The following GSE1 variants were observed in gnomAD, a reference collection of about 807,000 sequenced individuals.
GSE1 encodes Gse1 coiled-coil protein, also known as genetic suppressor element 1.
Under a neutral mutation model 112.6 loss-of-function variants are expected in GSE1, and 32 were observed. That is an observed-to-expected ratio of 0.28 (90% confidence interval 0.21 to 0.38). The LOEUF (loss-of-function observed/expected upper bound fraction) is 0.38, where lower values mean the gene tolerates loss of function less well. Among genes scored for constraint, GSE1 ranks in the 10% least tolerant of loss-of-function variants. The pLI is 1.00. For synonymous variants in GSE1, 1,115 were observed against 735.6 expected (o/e 1.52, Z -8.35); for missense variants, 2,348 against 1,699.2 (o/e 1.38, Z -6.71).
At chr16:85,432,838 C>G (rs2049152976) in intron 2 of GSE1, among the ~76,000 whole-genome samples, 1 of 152,050 alleles carries the variant, frequency 6.6e-6, no homozygotes, top group African/African-American at 2.4e-5. Context: ...GGGATTTGAA[C>G]CTCGGTCTGT....
At chr16:85,641,624 G>T (rs1352382733) in intron 2 of GSE1, among the ~76,000 whole-genome samples, 2 of 152,254 alleles carry the variant, frequency 1.3e-5, no homozygotes, top group Non-Finnish European at 2.9e-5. Context: ...CAGGGCTGCG[G>T]TGACTCCAGA....
intron 1 of GSE1, among the ~76,000 whole-genome samples, chr16:85,597,409 G>GTT (rs1220002478): frequency 6.9e-6 from 1 of 143,944 alleles, no homozygotes; most frequent in Non-Finnish European, 1.5e-5. Context: ...GAAGAAGAAA[G>GTT]TTCTGTCAGA....
intron 2 of GSE1, among the ~76,000 whole-genome samples, chr16:85,634,989 G>A (rs755376420): frequency 2.6e-5 from 4 of 152,118 alleles, no homozygotes; most frequent in South Asian, 2.1e-4. Flanking sequence ...AGTGGCATCC[G>A]CTTCATTCAC....
At chr16:85,505,560 G>A (rs547658915) in intron 2 of GSE1, among the ~76,000 whole-genome samples, 2 of 152,372 alleles carry the variant, frequency 1.3e-5, no homozygotes, top group African/African-American at 4.8e-5. Context: ...TGTGCCACCT[G>A]TGTGGGCATC....
intron 1 of GSE1, among the ~76,000 whole-genome samples, chr16:85,245,458 G>A (rs1905543121): frequency 6.6e-6 from 1 of 152,184 alleles, no homozygotes; most frequent in Admixed American, 6.5e-5. Context: ...ACCCATTCAT[G>A]TGTCCTATTA....
upstream of GSE1, among the ~76,000 whole-genome samples, chr16:85,612,186 G>C (rs906032916): frequency 6.6e-6 from 1 of 151,150 alleles, no homozygotes; most frequent in African/African-American, 2.4e-5. Flanking sequence ...CCCTGCCCCC[G>C]AGGCCCGCCC....
intron 1 of GSE1, among the ~76,000 whole-genome samples, chr16:85,295,185 A>G (rs1032603912): frequency 6.6e-6 from 1 of 152,166 alleles, no homozygotes; most frequent in Non-Finnish European, 1.5e-5. Context: ...CGGTTACTCC[A>G]TGCCCCGCTT....
At chr16:85,650,664 C>A (rs1049562580) in intron 3 of GSE1, among the ~76,000 whole-genome samples, 1 of 152,200 alleles carries the variant, frequency 6.6e-6, no homozygotes, top group Non-Finnish European at 1.5e-5. Context: ...CTTAATGGAA[C>A]ACGGTGCCGC....
At chr16:85,344,304 G>A (rs2046687012) in intron 1 of GSE1, among the ~76,000 whole-genome samples, 1 of 152,134 alleles carries the variant, frequency 6.6e-6, no homozygotes, top group Non-Finnish European at 1.5e-5. Flanking sequence ...GATGGGAGGG[G>A]ACTCCTAGGC....
chr16:85,207,559 A>ATCTGC (rs111744350), intron 1 of GSE1, among the ~76,000 whole-genome samples: 1 of 151,798 alleles, frequency 6.6e-6, no homozygotes, highest in African/African-American at 2.4e-5. Context: ...GCGGCAGGAG[A>ATCTGC]TCTTCTCAGA....
intron 1 of GSE1, among the ~76,000 whole-genome samples, chr16:85,562,791 C>G (rs886333933): frequency 6.6e-6 from 1 of 152,252 alleles, no homozygotes; most frequent in Non-Finnish European, 1.5e-5. Context: ...CTGGTCTACC[C>G]TGGCATTGTG....
At chr16:85,459,737 C>T (rs75984294) in intron 2 of GSE1, among the ~76,000 whole-genome samples, 3,905 of 152,300 alleles carry the variant, frequency 0.026, 174 homozygotes, top group African/African-American at 0.09. Flanking sequence ...CTGAAAGTTA[C>T]GTGGCCTCGG....
At chr16:85,475,813 CG>C (rs143574208) in intron 2 of GSE1, among the ~76,000 whole-genome samples, 13,835 of 148,526 alleles carry the variant, frequency 0.093, 1,006 homozygotes, top group East Asian at 0.37. Flanking sequence ...TACTAGAGAC[CG>C]GGTTTCACTC....
At position 85,668,370 on chromosome 16, in the gene GSE1, C is replaced by T. The variant is rs540397903; in HGVS notation, c.3361C>T (p.Arg1121Cys). The change falls in exon 14 of 16, where the codon CGC (arginine) becomes TGC (cysteine). Residue 1121 changes from arginine (R) to cysteine (C), a missense_variant. Physicochemically the swap from Arg to Cys is radical, Grantham distance 180. Transcript: ENST00000253458. ...AGAAGATGAGGAGGAAGTCCCCAAG[C>T]GCAAGTGGCAAGGGATCGAGGCCGT... is the stretch of plus-strand genomic sequence containing the variant. ...DGEDEEEVPKRKWQGIEAVFE... is the reference protein window; with the variant it reads ...DGEDEEEVPKCKWQGIEAVFE... 1.4e-4 allele frequency: 228 copies of T among 1,613,060 alleles called. 3 individuals are homozygous for T. In the South Asian group the frequency reaches 1.7e-3, roughly 12 times the overall value.
chr16:85,397,169 A>C (rs1359270139), intron 2 of GSE1, among the ~76,000 whole-genome samples: 1 of 152,154 alleles, frequency 6.6e-6, no homozygotes, highest in Non-Finnish European at 1.5e-5. Context: ...TTTCCCACAC[A>C]CTGGGGCAGG....
chr16:85,456,883 G>A (rs2049843720), intron 2 of GSE1, among the ~76,000 whole-genome samples: 1 of 152,130 alleles, frequency 6.6e-6, no homozygotes, highest in East Asian at 1.9e-4. Context: ...GACACCGGCA[G>A]GCTGTGTTTT....
intron 1 of GSE1, among the ~76,000 whole-genome samples, chr16:85,229,704 A>C (rs1278780856): frequency 6.6e-6 from 1 of 152,226 alleles, no homozygotes; most frequent in African/African-American, 2.4e-5. Context: ...TCCTGAAACC[A>C]ATATTCAGTG....
intron 1 of GSE1, among the ~76,000 whole-genome samples, chr16:85,261,135 C>T (rs1384171475): frequency 6.6e-6 from 1 of 152,208 alleles, no homozygotes; most frequent in Non-Finnish European, 1.5e-5. Context: ...CCAAGGCTGC[C>T]CAGGGTCTGG....
intron 1 of GSE1, among the ~76,000 whole-genome samples, chr16:85,588,721 C>G (rs2046824540): frequency 6.6e-6 from 1 of 152,210 alleles, no homozygotes; most frequent in Admixed American, 6.5e-5. Flanking sequence ...GCGGCGAAAT[C>G]TGCCGTGGCC....
Sources: allele counts gnomAD v4.1 joint callset (sites outside exome capture counted in the v4.1 genomes callset), GRCh38; gene constraint gnomAD v4.1.1; transcripts MANE v1.5; gene names NCBI Gene and HGNC (gene_info 2026-07-23, HGNC 2026-07-21).